Variants in PRKG1 observed in about 807,000 individuals in gnomAD.
PRKG1 encodes the protein cGMP-dependent protein kinase 1.
A neutral mutation model predicts 88.1 loss-of-function variants in PRKG1; 35 were observed. The ratio of observed to expected loss-of-function variants is 0.40; its 90% CI spans 0.30 to 0.53. The LOEUF (loss-of-function observed/expected upper bound fraction) is 0.53, where lower values mean the gene tolerates loss of function less well. Among genes scored for constraint, PRKG1 ranks in the 20% least tolerant of loss-of-function variants. The pLI, the probability that PRKG1 is intolerant of heterozygous loss-of-function variation, is 0.59. For missense variants in PRKG1, 540 were observed against 839.8 expected (o/e 0.64, Z 4.41); for synonymous variants, 303 against 292.5 (o/e 1.04, Z -0.37).
At chr10:51,834,318 A>T (rs915540057) in intron 4 of PRKG1, among the ~76,000 whole-genome samples, 1 of 152,102 alleles carries the variant, frequency 6.6e-6, no homozygotes, top group Non-Finnish European at 1.5e-5. Flanking sequence ...GCAAAACAGA[A>T]CTGTGTTCTA....
intron 1 of PRKG1, among the ~76,000 whole-genome samples, chr10:51,140,177 C>G (rs779639508): frequency 6.6e-6 from 1 of 152,188 alleles, no homozygotes; most frequent in Non-Finnish European, 1.5e-5. Flanking sequence ...ATTTTACATG[C>G]TAAGTAGATC....
intron 2 of PRKG1, among the ~76,000 whole-genome samples, chr10:51,162,874 T>A (rs1846400896): frequency 6.6e-6 from 1 of 152,146 alleles, no homozygotes; most frequent in South Asian, 2.1e-4. Flanking sequence ...CATGACACCA[T>A]ACCCATCTAT....
intron 3 of PRKG1, among the ~76,000 whole-genome samples, chr10:51,660,119 G>A (rs1840259482): frequency 9.1e-6 from 1 of 110,158 alleles, no homozygotes; most frequent in African/African-American, 2.9e-5. Flanking sequence ...AGAAGGCCTA[G>A]GGAAGGGAAT....
intron 5 of PRKG1, among the ~76,000 whole-genome samples, chr10:51,916,710 A>G (rs1025458879): frequency 6.6e-6 from 1 of 152,170 alleles, no homozygotes; most frequent in South Asian, 2.1e-4. Context: ...CTATACAAAA[A>G]CTTACACACA....
chr10:51,824,439 G>A (rs960982590), intron 4 of PRKG1, among the ~76,000 whole-genome samples: 1 of 151,968 alleles, frequency 6.6e-6, no homozygotes, highest in Non-Finnish European at 1.5e-5. Context: ...TTTTTATATT[G>A]TTGATTGTTT....
intron 3 of PRKG1, among the ~76,000 whole-genome samples, chr10:51,518,074 C>T (rs1443341152): frequency 6.6e-6 from 1 of 152,208 alleles, no homozygotes; most frequent in Non-Finnish European, 1.5e-5. Context: ...TCTTGGCTCA[C>T]TGCAACTCTG....
intron 2 of PRKG1, among the ~76,000 whole-genome samples, chr10:51,419,775 C>T (rs1353914607): frequency 1.3e-5 from 2 of 151,132 alleles, no homozygotes; most frequent in Non-Finnish European, 2.9e-5. Flanking sequence ...TAAGATTAAT[C>T]GAGTTCTTGT....
chr10:51,078,716 A>G (rs916229748), intron 1 of PRKG1, among the ~76,000 whole-genome samples: 3 of 151,592 alleles, frequency 2.0e-5, no homozygotes, highest in Non-Finnish European at 4.4e-5. Context: ...TCCCGGGTTC[A>G]CACCATTCTC....
At chr10:51,060,659 A>G (rs1388488730) in intron 1 of PRKG1, among the ~76,000 whole-genome samples, 2 of 152,144 alleles carry the variant, frequency 1.3e-5, no homozygotes, top group Non-Finnish European at 2.9e-5. Context: ...AATAATTTAT[A>G]TACATTTACC....
intron 3 of PRKG1, among the ~76,000 whole-genome samples, chr10:51,672,681 C>T (rs1392461526): frequency 2.0e-5 from 3 of 151,822 alleles, no homozygotes; most frequent in Non-Finnish European, 4.4e-5. Flanking sequence ...TACATGTCTT[C>T]CTAAAGAGAA....
At chr10:52,154,500 A>C (rs1057029935) in intron 8 of PRKG1, among the ~76,000 whole-genome samples, 1 of 152,242 alleles carries the variant, frequency 6.6e-6, no homozygotes. Flanking sequence ...AGTCATCCTT[A>C]GAAAAGGGTG....
chr10:52,084,717 G>T (rs980453069), intron 7 of PRKG1, among the ~76,000 whole-genome samples: 8 of 151,922 alleles, frequency 5.3e-5, no homozygotes, highest in Non-Finnish European at 8.8e-5. Flanking sequence ...CAGTTAACAA[G>T]TTCAAGAAAT....
chr10:51,438,808 T>G (rs1469307522), intron 2 of PRKG1, among the ~76,000 whole-genome samples: 1 of 151,916 alleles, frequency 6.6e-6, no homozygotes, highest in African/African-American at 2.4e-5. Context: ...TTTGGAATTC[T>G]AAAGGCCTAC....
In PRKG1 at chr10:51,467,808, C is replaced by T. The variant is rs765303337; in HGVS notation, c.564C>T (p.Tyr188=). The stretch of plus-strand genomic sequence containing the variant: ...TGTTTGGGGAATTGGCTATTCTTTA[C>T]AACTGTACCCGGACAGCGACCGTCA... ...GKVFGELAIL[Y]NCTRTATVKT... is the part of the protein sequence containing the mutation. Residue 188 remains tyrosine (Y), a synonymous_variant, in exon 3 of 18, where the codon TAC becomes TAT. Coordinates refer to ENST00000373980, the MANE Select transcript of PRKG1 (RefSeq NM_006258.4). The T allele has an allele frequency of 2.5e-6, 4 of 1,612,782 alleles. No homozygotes were observed. The highest frequency in any genetic ancestry group is 1.3e-5 in the African/African-American group (1 of 75,008).
intron 3 of PRKG1, among the ~76,000 whole-genome samples, chr10:51,758,599 C>G (rs1039256314): frequency 6.6e-6 from 1 of 152,124 alleles, no homozygotes; most frequent in Non-Finnish European, 1.5e-5. Flanking sequence ...TTCCAGGTGA[C>G]ATCATCACAT....
intron 3 of PRKG1, among the ~76,000 whole-genome samples, chr10:51,729,931 C>A (rs1438088143): frequency 6.6e-6 from 1 of 152,038 alleles, no homozygotes; most frequent in African/African-American, 2.4e-5. Context: ...ACTCCCTGCT[C>A]CCATACCACA....
intron 3 of PRKG1, among the ~76,000 whole-genome samples, chr10:51,788,897 G>T (rs1423072153): frequency 6.6e-6 from 1 of 152,096 alleles, no homozygotes; most frequent in African/African-American, 2.4e-5. Flanking sequence ...ATTAATTAAG[G>T]ATATGTCAAA....
intron 2 of PRKG1, among the ~76,000 whole-genome samples, chr10:51,251,496 AT>A (rs1297220968): frequency 6.6e-6 from 1 of 151,852 alleles, no homozygotes; most frequent in African/African-American, 2.4e-5. Flanking sequence ...ATATCTGCAT[AT>A]TTTAAATAAA....
chr10:52,096,711 G>T (rs1847181089), intron 7 of PRKG1, among the ~76,000 whole-genome samples: 1 of 152,152 alleles, frequency 6.6e-6, no homozygotes, highest in African/African-American at 2.4e-5. Context: ...GTGTGTGTTT[G>T]TACATCTATG....
Sources: allele counts gnomAD v4.1 joint callset (sites outside exome capture counted in the v4.1 genomes callset), GRCh38; gene constraint gnomAD v4.1.1; transcripts MANE v1.5; gene names NCBI Gene and HGNC (gene_info 2026-07-23, HGNC 2026-07-21).